ZNF277: variants seen among roughly 807,000 people sequenced by gnomAD.
The protein encoded by ZNF277 is nuclear receptor-interacting factor 4.
A neutral mutation model predicts 60.7 loss-of-function variants in ZNF277; 55 were observed. The observed-to-expected ratio is 0.91, with a 90% CI of 0.73 to 1.13. The LOEUF (loss-of-function observed/expected upper bound fraction) is 1.13, where lower values mean the gene tolerates loss of function less well. Ranked by LOEUF, ZNF277 falls within the 50% of genes most tolerant of loss-of-function variation. The probability of loss-of-function intolerance (pLI) is 0.00; values close to 1 mark genes in which losing one functional copy is unlikely to be tolerated. For synonymous variants in ZNF277, 178 were observed against 179.3 expected (o/e 0.99, Z 0.06); for missense variants, 510 against 523.0 (o/e 0.98, Z 0.24).
chr7:112,340,983 C>T lies in ZNF277; in HGVS notation c.1121C>T (p.Thr374Ile). 1 of 1,610,678 alleles carries T rather than the reference C, an allele frequency of 6.2e-7. No individual in the cohort carries two copies. Among genetic ancestry groups the T allele is most frequent in the Non-Finnish European group, 8.5e-7 (1 of 1,178,938 alleles). The change falls in exon 11 of 12, where the codon ACT becomes ATT. Residue 374 changes from threonine to isoleucine, a missense_variant. Transcript: ENST00000361822. ...VKFKSKADLR[T>I]HMEETKHTSL... ...TTCAAATCCAAAGCAGACTTAAGAA[C>T]TCACATGGAAGAAACTAAACACACT...
intron 2 of ZNF277, among the ~76,000 whole-genome samples, chr7:112,293,159 T>G (rs573741121): frequency 1.8e-4 from 27 of 152,282 alleles, no homozygotes; most frequent in Admixed American, 7.9e-4. Flanking sequence ...CACCATTGCC[T>G]CCGGGGTGGT....
At chr7:112,215,859 C>T (rs150110759) in intron 1 of ZNF277, among the ~76,000 whole-genome samples, 2,182 of 152,202 alleles carry the variant, frequency 0.014, 55 homozygotes, top group African/African-American at 0.05. Context: ...GAATTGTAAT[C>T]GTGGTTATTT....
chr7:112,223,261 G>A (rs1168668850), intron 1 of ZNF277, among the ~76,000 whole-genome samples: 1 of 152,164 alleles, frequency 6.6e-6, no homozygotes, highest in Non-Finnish European at 1.5e-5. Context: ...TTCAGGATCT[G>A]CTGTTGGACT....
At chr7:112,286,852 T>C in intron 1 of ZNF277, 21 bp from the exon 2 acceptor site, 1 of 1,375,918 alleles carries the variant, frequency 7.3e-7, no homozygotes, top group Admixed American at 3.1e-5. Flanking sequence ...TTTTTTTTTT[T>C]TTTTTTTTGG....
chr7:112,297,291 G>A (rs1270433427), intron 4 of ZNF277, among the ~76,000 whole-genome samples: 1 of 152,036 alleles, frequency 6.6e-6, no homozygotes. Context: ...TTGTTTAAAA[G>A]TACATGGGTT....
chr7:112,256,160 G>A (rs1230604082), intron 1 of ZNF277, among the ~76,000 whole-genome samples: 1 of 152,038 alleles, frequency 6.6e-6, no homozygotes, highest in Non-Finnish European at 1.5e-5. Context: ...TAATAGGCAT[G>A]GCACACGTAA....
At chr7:112,259,929 C>T (rs1304726979) in intron 1 of ZNF277, among the ~76,000 whole-genome samples, 1 of 152,118 alleles carries the variant, frequency 6.6e-6, no homozygotes, top group African/African-American at 2.4e-5. Flanking sequence ...TAAGATTTAA[C>T]AAGTAGATAA....
intron 5 of ZNF277, among the ~76,000 whole-genome samples, chr7:112,326,647 A>AAG (rs1263176991): frequency 6.6e-6 from 1 of 152,056 alleles, no homozygotes; most frequent in Non-Finnish European, 1.5e-5. Context: ...TAGTTAAAAA[A>AAG]AAAAAAAGTC....
At chr7:112,228,005 G>A (rs914855480) in intron 1 of ZNF277, among the ~76,000 whole-genome samples, 1 of 151,780 alleles carries the variant, frequency 6.6e-6, no homozygotes. Flanking sequence ...CAGTTTTGAA[G>A]GCCAGAAGTC....
chr7:112,315,803 A>T (rs1393581940), intron 4 of ZNF277, among the ~76,000 whole-genome samples: 1 of 152,096 alleles, frequency 6.6e-6, no homozygotes. Context: ...CTATGCTGTT[A>T]TTTTAGTGTG....
At chr7:112,211,941 G>T (rs1392310713) in intron 1 of ZNF277, among the ~76,000 whole-genome samples, 2 of 152,158 alleles carry the variant, frequency 1.3e-5, no homozygotes, top group African/African-American at 4.8e-5. Flanking sequence ...GTTAGAATAT[G>T]CTTGAAATTT....
intron 3 of ZNF277, 117 bp downstream of exon 3, chr7:112,296,074 G>T: frequency 9.6e-7 from 1 of 1,040,376 alleles, no homozygotes; most frequent in Non-Finnish European, 1.5e-6. Flanking sequence ...TTAAATTGAT[G>T]TGTTTATTTT....
chr7:112,226,050 G>A (rs1822166648), intron 1 of ZNF277, among the ~76,000 whole-genome samples: 1 of 151,998 alleles, frequency 6.6e-6, no homozygotes, highest in Non-Finnish European at 1.5e-5. Context: ...TTCTCAAATA[G>A]CATCTATTAA....
In ZNF277 at chr7:112,338,805, G is replaced by A. The variant is rs183908174; in HGVS notation, c.966+979G>A. Among the ~76,000 whole-genome samples, 832 of 152,254 alleles carry A rather than the reference G, an allele frequency of 5.5e-3. 4 individuals are homozygous for A. The highest frequency in any genetic ancestry group is 7.5e-3 in the Non-Finnish European group (507 of 68,018). ...GCCTTAGTATGCCTATCCTGTGTAA[G>A]GATTACCTTTTCGGCATCCTTGACA... On this transcript the variant is annotated intron_variant, in intron 9 of 11. Transcript: ENST00000361822.
intron 1 of ZNF277, among the ~76,000 whole-genome samples, chr7:112,272,993 A>G (rs1791710930): frequency 6.6e-6 from 1 of 152,174 alleles, no homozygotes. Context: ...TTCTCTGATT[A>G]TCAGTGATGT....
chr7:112,306,998 C>G (rs1203265046), intron 4 of ZNF277, among the ~76,000 whole-genome samples: 1 of 152,024 alleles, frequency 6.6e-6, no homozygotes, highest in Admixed American at 6.6e-5. Flanking sequence ...ACATTTTTTA[C>G]TCCATCCCCA....
chr7:112,236,610 T>A (rs1400485353), intron 1 of ZNF277, among the ~76,000 whole-genome samples: 2 of 152,124 alleles, frequency 1.3e-5, no homozygotes, highest in East Asian at 3.8e-4. Context: ...AGTTTTAAAA[T>A]GGAAAACTAG....
At chr7:112,265,256 G>T (rs1050788126) in intron 1 of ZNF277, among the ~76,000 whole-genome samples, 1 of 152,020 alleles carries the variant, frequency 6.6e-6, no homozygotes, top group Non-Finnish European at 1.5e-5. Context: ...TGACAGACTT[G>T]AGACTCTTCA....
intron 1 of ZNF277, among the ~76,000 whole-genome samples, chr7:112,276,465 T>C (rs1240509415): frequency 6.6e-6 from 1 of 152,154 alleles, no homozygotes; most frequent in Non-Finnish European, 1.5e-5. Context: ...AGAATGAGAA[T>C]GTAAAAATAA....
Sources: gnomAD v4.1 joint callset for allele counts (sites outside exome capture counted in the v4.1 genomes callset) on GRCh38, gnomAD v4.1.1 for gene constraint, MANE v1.5 for transcripts, NCBI Gene and HGNC (gene_info 2026-07-23, HGNC 2026-07-21) for gene names.